CAMSAP2: variants seen among roughly 807,000 people sequenced by gnomAD.
CAMSAP2 encodes the protein calmodulin-regulated spectrin-associated protein 2.
A neutral mutation model predicts 146.1 loss-of-function variants in CAMSAP2; 26 were observed. The ratio of observed to expected loss-of-function variants is 0.18; its 90% CI spans 0.13 to 0.25. CAMSAP2 has a LOEUF of 0.25. Ranked by LOEUF, CAMSAP2 falls within the 10% of genes least tolerant of loss-of-function variation. The pLI is 1.00. For missense variants in CAMSAP2, 1,381 were observed against 1,759.3 expected, an observed-to-expected ratio of 0.78 and a Z score of 3.85; for synonymous variants, 499 against 596.6, an observed-to-expected ratio of 0.84 and a Z score of 2.38.
chr1:200,844,771 T>C lies in CAMSAP2; in HGVS notation c.1022-11T>C. 1 of 1,532,552 alleles carries C rather than the reference T, an allele frequency of 6.5e-7. No homozygotes were observed. Among genetic ancestry groups the C allele is most frequent in the Non-Finnish European group, 8.8e-7 (1 of 1,137,600 alleles). 94.9% of individuals were successfully genotyped at this position (1,532,552 alleles called of 1,614,324 possible). ...TAATTTGAGGGTGTTTTTAAAAATC[T>C]TTTATTCCAGCTGAACCTGTAAAAG... On this transcript the variant is annotated splice_polypyrimidine_tract_variant and intron_variant, in intron 7 of 16. Coordinates refer to ENST00000358823, the MANE Select transcript of CAMSAP2 (RefSeq NM_203459.4).
Position 200,859,756 on chromosome 1 carries a change from A to G in CAMSAP2, c.*1697A>G, listed in dbSNP as rs912217074. 19 of 152,228 alleles carry G rather than the reference A, an allele frequency of 1.2e-4. No homozygotes were observed. The highest frequency in any genetic ancestry group is 9.8e-4 in the Admixed American group (15 of 15,280). The allele number at this position is 152,228 out of a possible 1,614,324, so 9.4% of individuals were successfully genotyped here. On this transcript the variant is annotated 3_prime_UTR_variant, in exon 17 of 17. Transcript: ENST00000358823. ...TAACATATGGATATTAAAAATGGGG[A>G]ATTGCACATTTTACCTTTTGGACAG... is the stretch of plus-strand genomic sequence containing the variant.
chr1:200,830,819 T>C (rs1667022380), intron 4 of CAMSAP2, among the ~76,000 whole-genome samples: 1 of 152,234 alleles, frequency 6.6e-6, no homozygotes, highest in Admixed American at 6.5e-5. Flanking sequence ...GAGTCTATTA[T>C]GCACTAATTA....
At chr1:200,743,747 C>T (rs1258352808) in intron 1 of CAMSAP2, among the ~76,000 whole-genome samples, 2 of 151,666 alleles carry the variant, frequency 1.3e-5, no homozygotes, top group East Asian at 1.9e-4. Flanking sequence ...TCAAGACCAG[C>T]GTGACCAACA....
chr1:200,776,013 CTG>C (rs1483845838), intron 2 of CAMSAP2, among the ~76,000 whole-genome samples: 1 of 151,854 alleles, frequency 6.6e-6, no homozygotes, highest in Non-Finnish European at 1.5e-5. Context: ...AGAAAAATCA[CTG>C]TTTCTTGCAT....
chr1:200,817,044 ACG>A (rs1392627241), intron 4 of CAMSAP2, among the ~76,000 whole-genome samples: 3 of 141,458 alleles, frequency 2.1e-5, no homozygotes, highest in African/African-American at 7.7e-5. Context: ...CCACATACAC[ACG>A]TGTATGTGTA....
intron 2 of CAMSAP2, among the ~76,000 whole-genome samples, chr1:200,762,850 G>T (rs1356534530): frequency 1.3e-5 from 2 of 152,028 alleles, no homozygotes; most frequent in African/African-American, 2.4e-5. Flanking sequence ...CCTGCTGATA[G>T]CTTTGAATGT....
chr1:200,827,279 C>A (rs1428711499), intron 4 of CAMSAP2, among the ~76,000 whole-genome samples: 1 of 152,146 alleles, frequency 6.6e-6, no homozygotes, highest in East Asian at 1.9e-4. Context: ...TAACTTTAAC[C>A]GTTAAGAGAC....
At chr1:200,815,222 A>G (rs1443621779) in intron 3 of CAMSAP2, among the ~76,000 whole-genome samples, 2 of 152,180 alleles carry the variant, frequency 1.3e-5, no homozygotes, top group Non-Finnish European at 2.9e-5. Context: ...TAGTTCTAAA[A>G]TAGATTGTAA....
chr1:200,834,717 C>T (rs1390793127), intron 6 of CAMSAP2, among the ~76,000 whole-genome samples: 5 of 152,220 alleles, frequency 3.3e-5, no homozygotes, highest in African/African-American at 4.8e-5. Context: ...AGTTTGAGAC[C>T]GGCCTGGGCA....
At chr1:200,801,037 G>A (rs1365900857) in intron 2 of CAMSAP2, among the ~76,000 whole-genome samples, 1 of 152,098 alleles carries the variant, frequency 6.6e-6, no homozygotes, top group East Asian at 1.9e-4. Context: ...AGGCCAAGAC[G>A]GGCGGATCAC....
rs916722966 is a variant in CAMSAP2, at chr1:200,860,481, A to G, written c.*2422A>G. On this transcript the variant is annotated 3_prime_UTR_variant, in exon 17 of 17. Transcript: ENST00000358823. ...CGTTTTGTATTAGAATGACTGTTACAGTTTTATTTGGCTGTTTAAAGCCAA... is the reference window on the plus strand; with the variant it reads ...CGTTTTGTATTAGAATGACTGTTACGGTTTTATTTGGCTGTTTAAAGCCAA... 10 of 152,612 alleles carry G rather than the reference A, an allele frequency of 6.6e-5. No individual in the cohort carries two copies. The highest frequency in any genetic ancestry group is 2.4e-4 in the African/African-American group (10 of 41,448). The allele number at this position is 152,612 out of a possible 1,614,324, so 9.5% of individuals were successfully genotyped here. A position where few individuals can be genotyped will look rare whatever the true frequency, so the allele number is the denominator to read the frequency against.
intron 2 of CAMSAP2, among the ~76,000 whole-genome samples, chr1:200,782,782 CTTTTTTTTTTT>C (rs57995961): frequency 1.1e-4 from 8 of 72,242 alleles, no homozygotes; most frequent in African/African-American, 3.2e-4. Flanking sequence ...TCATTTCTCT[CTTTTTTTTTTT>C]TTTTTTTTTT....
intron 2 of CAMSAP2, among the ~76,000 whole-genome samples, chr1:200,784,168 T>G (rs1009584730): frequency 3.3e-5 from 5 of 152,212 alleles, no homozygotes; most frequent in African/African-American, 1.2e-4. Context: ...CCACACAGTC[T>G]TGACTAATGT....
intron 1 of CAMSAP2, among the ~76,000 whole-genome samples, chr1:200,757,508 TCTTA>T (rs1367394006): frequency 6.6e-6 from 1 of 152,218 alleles, no homozygotes; most frequent in African/African-American, 2.4e-5. Context: ...TGTATTAATT[TCTTA>T]CTTTTTGTGT....
chr1:200,776,496 TTTAG>T (rs1322903521), intron 2 of CAMSAP2, among the ~76,000 whole-genome samples: 1 of 152,086 alleles, frequency 6.6e-6, no homozygotes, highest in Non-Finnish European at 1.5e-5. Flanking sequence ...TCCTGCCTGT[TTTAG>T]AGGAAGAAGA....
Position 200,739,919 on chromosome 1 carries a change from A to G in CAMSAP2, c.92A>G (p.Lys31Arg). The change falls in exon 1 of 17, where the codon AAA becomes AGA. Residue 31 changes from lysine to arginine, a missense_variant. By Grantham distance (26) the Lys-to-Arg change is conservative. Coordinates refer to ENST00000358823, the MANE Select transcript of CAMSAP2 (RefSeq NM_203459.4). This position sits in a 1 kb window ranked among gnomAD's most constrained non-coding sequence, Gnocchi z 4.8. ...GACCACTATGATTTCTCCAGGGCCA[A>G]AATCGCCTGCAATCTGGCCTGGCTG... is the stretch of plus-strand genomic sequence containing the variant. Reference protein sequence around the residue: ...PFDHYDFSRAKIACNLAWLVA... With the variant: ...PFDHYDFSRARIACNLAWLVA... 6.2e-7 allele frequency: 1 copy of G among 1,614,176 alleles called. No individual in the cohort carries two copies. Among genetic ancestry groups the G allele is most frequent in the Non-Finnish European group, 8.5e-7 (1 of 1,180,024 alleles).
chr1:200,807,135 A>G (rs1666199519), intron 2 of CAMSAP2, among the ~76,000 whole-genome samples: 1 of 152,196 alleles, frequency 6.6e-6, no homozygotes, highest in Non-Finnish European at 1.5e-5. Flanking sequence ...GAAAAGAAGC[A>G]TCTTTGGAGT....
intron 1 of CAMSAP2, among the ~76,000 whole-genome samples, chr1:200,750,902 T>A (rs1247953485): frequency 0.079 from 672 of 8,464 alleles, 1 homozygote; most frequent in Non-Finnish European, 0.31. Flanking sequence ...CGCGCCTGCC[T>A]TTTTTTTTTT....
chr1:200,820,515 T>C (rs1427257305), intron 4 of CAMSAP2, among the ~76,000 whole-genome samples: 1 of 152,238 alleles, frequency 6.6e-6, no homozygotes, highest in Non-Finnish European at 1.5e-5. Context: ...CTTTTCACTT[T>C]AAGGTGTATC....
Sources: allele counts gnomAD v4.1 joint callset (sites outside exome capture counted in the v4.1 genomes callset), GRCh38; gene constraint gnomAD v4.1.1; non-coding constraint Gnocchi (gnomAD v3.1); transcripts MANE v1.5; gene names NCBI Gene and HGNC (gene_info 2026-07-23, HGNC 2026-07-21).